PSD2: variants seen among roughly 807,000 people sequenced by gnomAD.
PSD2 encodes the protein PH and SEC7 domain-containing protein 2.
A neutral mutation model predicts 69.8 loss-of-function variants in PSD2; 38 were observed. The ratio of observed to expected loss-of-function variants is 0.54; its 90% confidence interval spans 0.42 to 0.71. PSD2 has a LOEUF of 0.71. Among genes scored for constraint, PSD2 ranks in the 30% least tolerant of loss-of-function variants. The pLI is 0.00. For missense variants in PSD2, 943 were observed against 1,014.5 expected, an observed-to-expected ratio of 0.93 and a Z score of 0.96; for synonymous variants, 412 against 423.0, an observed-to-expected ratio of 0.97 and a Z score of 0.32.
chr5:139,766,871 C>CT, the PSD2 span, among the ~76,000 whole-genome samples: 6 of 150,244 alleles, frequency 4.0e-5, no homozygotes, highest in East Asian at 3.9e-4. Flanking sequence ...TTCTTTCTTT[C>CT]TTTCTTTCTT....
chr5:139,836,383 T>C (rs1341957215), intron 9 of PSD2, among the ~76,000 whole-genome samples: 2 of 152,158 alleles, frequency 1.3e-5, no homozygotes, highest in Non-Finnish European at 2.9e-5. Flanking sequence ...TCCAGGGCTC[T>C]CATGGGGGCC....
chr5:139,841,770 T>C (rs776889059), intron 14 of PSD2, among the ~76,000 whole-genome samples: 9 of 152,260 alleles, frequency 5.9e-5, no homozygotes, highest in South Asian at 2.1e-4. Flanking sequence ...CATCTTTTCA[T>C]GTGCTTGTTG....
chr5:139,780,701 C>T, the PSD2 span, among the ~76,000 whole-genome samples: 36 of 152,336 alleles, frequency 2.4e-4, no homozygotes, highest in African/African-American at 8.7e-4. Flanking sequence ...GCCTCGGCCT[C>T]CCAAAGCGCT....
chr5:139,839,250 G>C lies in PSD2; in HGVS notation c.1968+478G>C, dbSNP rs182819619. 6.6e-6 allele frequency among the ~76,000 whole-genome samples: 1 copy of C among 152,238 alleles called. No individual in the cohort carries two copies. Among genetic ancestry groups the C allele is most frequent in the African/African-American group, 2.4e-5 (1 of 41,458 alleles). ...GAGAGGACAGGAGAAATGGTGGCCCGGAGCTTGAGAGGTAGAGGGCAGCGG... is the reference window on the plus strand; with the variant it reads ...GAGAGGACAGGAGAAATGGTGGCCCCGAGCTTGAGAGGTAGAGGGCAGCGG... On this transcript the variant is annotated intron_variant, in intron 13 of 14. Coordinates refer to ENST00000274710, the MANE Select transcript of PSD2 (RefSeq NM_032289.4). The surrounding 1 kb of genome is among the most constrained non-coding windows in gnomAD (Gnocchi z 5.1).
At chr5:139,746,985 G>C in the PSD2 span, among the ~76,000 whole-genome samples, 54 of 152,250 alleles carry the variant, frequency 3.5e-4, no homozygotes, top group Non-Finnish European at 6.8e-4. The surrounding 1 kb of genome is among the most constrained non-coding windows in gnomAD (Gnocchi z 4.5). Context: ...ATTTCTGCCA[G>C]TATCCTGTCC....
intron 9 of PSD2, among the ~76,000 whole-genome samples, 154 bp from the exon 10 acceptor site, chr5:139,836,657 G>A (rs1299346733): frequency 6.6e-6 from 1 of 152,196 alleles, no homozygotes; most frequent in Non-Finnish European, 1.5e-5. Context: ...ATCTGGATCT[G>A]TGGTCTGGAA....
chr5:139,754,709 AT>A, the PSD2 span, among the ~76,000 whole-genome samples: 1 of 151,702 alleles, frequency 6.6e-6, no homozygotes, highest in African/African-American at 2.4e-5. Context: ...ATTAAAAAAA[AT>A]AAAATAAGTT....
At chr5:139,794,278 G>A (rs1372365877), upstream of PSD2, among the ~76,000 whole-genome samples, 2 of 152,230 alleles carry the variant, frequency 1.3e-5, no homozygotes, top group Non-Finnish European at 2.9e-5. Context: ...TTTCTCATCT[G>A]TAAAACGGGT....
the PSD2 span, among the ~76,000 whole-genome samples, chr5:139,786,692 GC>G: frequency 1.5e-3 from 221 of 152,214 alleles, no homozygotes; most frequent in African/African-American, 5.0e-3. Flanking sequence ...TCACCATGTT[GC>G]CCAGGCTGGG....
chr5:139,748,670 C>A, the PSD2 span, among the ~76,000 whole-genome samples: 15 of 152,368 alleles, frequency 9.8e-5, no homozygotes, highest in Middle Eastern at 3.4e-3. Flanking sequence ...CGGGTGCAGA[C>A]CTCGAAGAGA....
chr5:139,745,745 G>C, the PSD2 span, among the ~76,000 whole-genome samples: 1 of 152,210 alleles, frequency 6.6e-6, no homozygotes, highest in Non-Finnish European at 1.5e-5. Flanking sequence ...CCCCGCCTGG[G>C]GGTCTCCTGT....
At chr5:139,762,542 C>T in the PSD2 span, among the ~76,000 whole-genome samples, 1 of 152,210 alleles carries the variant, frequency 6.6e-6, no homozygotes, top group African/African-American at 2.4e-5. Context: ...CAGGTATCCC[C>T]TGTATTGCCC....
At chr5:139,788,185 C>T in the PSD2 span, among the ~76,000 whole-genome samples, 4 of 151,842 alleles carry the variant, frequency 2.6e-5, no homozygotes, top group Non-Finnish European at 5.9e-5. Flanking sequence ...CCGCGCCCCC[C>T]CCCGAACCCG....
the PSD2 span, among the ~76,000 whole-genome samples, chr5:139,743,016 G>A: frequency 1.3e-5 from 2 of 152,234 alleles, no homozygotes; most frequent in Non-Finnish European, 2.9e-5. Flanking sequence ...GTGGCCCTGT[G>A]GGGGCTCAGA....
chr5:139,777,272 G>A, the PSD2 span, among the ~76,000 whole-genome samples: 2 of 152,340 alleles, frequency 1.3e-5, no homozygotes, highest in African/African-American at 4.8e-5. Flanking sequence ...GTTTGTTATA[G>A]GGAAAGTAAA....
rs76623676 is a variant in PSD2 at position 139,818,029 on chromosome 5, G to T, written c.1097+468G>T. 4.5e-4 allele frequency among the ~76,000 whole-genome samples: 68 copies of T among 152,276 alleles called. 2 individuals carry two copies. In the East Asian group the frequency reaches 0.01, roughly 23 times the overall value. ...AACTCTATTGGTGTTTGGACCTAGG[G>T]AGTAGACCTCAGGAGGGCCAATTGC... On this transcript the variant is annotated intron_variant, in intron 5 of 14. Transcript: ENST00000274710.
At position 139,813,302 on chromosome 5, in the gene PSD2, C is replaced by A; in HGVS notation, c.372-7C>A. 1 of 1,527,096 alleles carries A rather than the reference C, an allele frequency of 6.5e-7. No individual in the cohort carries two copies. 94.6% of individuals were successfully genotyped at this position (1,527,096 alleles called of 1,614,324 possible). ...CAGGATGGTGACTGGCTCCTTGCATCCCACAGGTTGGATGGTCCCGGGGAG... is the reference window on the plus strand; with the variant it reads ...CAGGATGGTGACTGGCTCCTTGCATACCACAGGTTGGATGGTCCCGGGGAG... On this transcript the variant is annotated splice_polypyrimidine_tract_variant and splice_region_variant and intron_variant, in intron 2 of 14. Transcript: ENST00000274710.
intron 8 of PSD2, among the ~76,000 whole-genome samples, chr5:139,834,133 C>G (rs113231668): frequency 1.3e-5 from 2 of 152,298 alleles, no homozygotes; most frequent in African/African-American, 4.8e-5. Flanking sequence ...AAGGAAAAGC[C>G]CCCCTCATTC....
In PSD2 at chr5:139,809,816, G is replaced by A. The variant is rs767294658; in HGVS notation, c.371+5G>A. On this transcript the variant is annotated splice_donor_5th_base_variant and intron_variant, in intron 2 of 14. Transcript: ENST00000274710. ...TGCTGAGGACCCTCAGCTGGGGTGAGTGGATGTCTTGGGATGGGAGCTCAC... is the reference window on the plus strand; with the variant it reads ...TGCTGAGGACCCTCAGCTGGGGTGAATGGATGTCTTGGGATGGGAGCTCAC... 1 of 1,613,648 alleles carries A rather than the reference G, an allele frequency of 6.2e-7. No individual in the cohort carries two copies. The highest frequency in any genetic ancestry group is 8.5e-7 in the Non-Finnish European group (1 of 1,179,948).
Sources: allele counts gnomAD v4.1 joint callset (sites outside exome capture counted in the v4.1 genomes callset), GRCh38; gene constraint gnomAD v4.1.1; non-coding constraint Gnocchi (gnomAD v3.1); transcripts MANE v1.5; gene names NCBI Gene and HGNC (gene_info 2026-07-23, HGNC 2026-07-21).